The following DLGAP2 variants were observed in gnomAD, a reference collection of about 807,000 sequenced individuals.
The protein encoded by DLGAP2 is DLG associated protein 2.
DLGAP2 carries 26 observed loss-of-function variants against 100.3 expected under a neutral mutation model. The observed-to-expected ratio is 0.26, with a 90% confidence interval of 0.19 to 0.36. DLGAP2 has a LOEUF of 0.36. DLGAP2 is among the 10% of genes least tolerant of loss of function. The pLI, the probability that DLGAP2 is intolerant of heterozygous loss-of-function variation, is 1.00. For synonymous variants in DLGAP2, 886 were observed against 630.1 expected, an observed-to-expected ratio of 1.41 and a Z score of -6.08; for missense variants, 1,858 against 1,453.2, an observed-to-expected ratio of 1.28 and a Z score of -4.53.
At chr8:978,441 C>G (rs75781397) in intron 2 of DLGAP2, among the ~76,000 whole-genome samples, 20 of 26,844 alleles carry the variant, frequency 7.5e-4, no homozygotes, top group East Asian at 1.4e-3. Flanking sequence ...TGAGGTGCTG[C>G]GTTCTGGTCT....
intron 3 of DLGAP2, among the ~76,000 whole-genome samples, chr8:1,464,169 G>T (rs929838774): frequency 2.6e-5 from 4 of 152,132 alleles, no homozygotes; most frequent in Non-Finnish European, 5.9e-5. Context: ...TCCCTTCCAG[G>T]ACAGCACCCG....
chr8:1,362,941 CG>C (rs1319801561), intron 3 of DLGAP2, among the ~76,000 whole-genome samples: 1 of 152,112 alleles, frequency 6.6e-6, no homozygotes, highest in African/African-American at 2.4e-5. Context: ...TTCTTCACTT[CG>C]GGGCAGCACC....
At position 1,442,815 on chromosome 8, in the gene DLGAP2, C is replaced by T. The variant is rs112107651; in HGVS notation, c.107-58551C>T. On this transcript the variant is annotated intron_variant, in intron 3 of 14. Coordinates refer to ENST00000637795, the MANE Select transcript of DLGAP2 (RefSeq NM_001346810.2). Reference sequence around the variant, plus strand: ...CTGGGGGTTCAGCCACTGGGGGAGACGGATCCAGGCATAGACCCTCTAGGC... The same window carrying T: ...CTGGGGGTTCAGCCACTGGGGGAGATGGATCCAGGCATAGACCCTCTAGGC... Among the ~76,000 whole-genome samples the T allele has an allele frequency of 8.0e-3, 1,193 of 149,416 alleles. 17 individuals are homozygous for T. The highest frequency in any genetic ancestry group is 0.029 in the African/African-American group (1,123 of 38,962).
chr8:1,080,082 G>C (rs970511194), intron 2 of DLGAP2, among the ~76,000 whole-genome samples: 1 of 152,218 alleles, frequency 6.6e-6, no homozygotes, highest in Non-Finnish European at 1.5e-5. Flanking sequence ...GGCCTGGCAC[G>C]GGCCTGCTTC....
chr8:1,466,595 T>G (rs1403777602), intron 3 of DLGAP2, among the ~76,000 whole-genome samples: 1 of 152,094 alleles, frequency 6.6e-6, no homozygotes, highest in Non-Finnish European at 1.5e-5. Context: ...TTCAGTACTT[T>G]CCAGAACTCT....
intron 2 of DLGAP2, among the ~76,000 whole-genome samples, chr8:998,162 A>C (rs529012136): frequency 6.6e-4 from 100 of 152,364 alleles, no homozygotes; most frequent in African/African-American, 2.2e-3. Flanking sequence ...ACACATACAC[A>C]CATGTATACA....
chr8:1,112,834 T>G (rs570803434), intron 2 of DLGAP2, among the ~76,000 whole-genome samples: 5 of 152,344 alleles, frequency 3.3e-5, no homozygotes, highest in African/African-American at 1.2e-4. Context: ...TTTATAATTT[T>G]GGGTTTTACA....
At position 1,668,370 on chromosome 8, in the gene DLGAP2, C is replaced by A. The variant is rs779245245; in HGVS notation, c.1852C>A (p.Pro618Thr). 7 of 1,559,900 alleles carry A rather than the reference C, an allele frequency of 4.5e-6. No individual in the cohort carries two copies. In the South Asian group the frequency reaches 6.0e-5, roughly 13 times the overall value. The change falls in exon 9 of 15, where the codon CCC (proline) becomes ACC (threonine). Residue 618 changes from proline to threonine, a missense_variant. By Grantham distance (38) the Pro-to-Thr change is conservative. Transcript: ENST00000637795. ...TTACAAGAAAACGCCCCCACCGGTG[C>A]CCCCTCGGACCACCTCCAAGCCTCT... ...TNYKKTPPPV[P>T]PRTTSKPLIS...
At chr8:1,039,740 A>G (rs36127339) in intron 2 of DLGAP2, among the ~76,000 whole-genome samples, 5,271 of 87,806 alleles carry the variant, frequency 0.06, 796 homozygotes, top group Non-Finnish European at 0.074. Context: ...TTCTGTGGTC[A>G]GCTCGGTTTC....
intron 8 of DLGAP2, 21 bp downstream of exon 8, chr8:1,633,067 G>A (rs766015613): frequency 3.7e-6 from 6 of 1,613,540 alleles, no homozygotes; most frequent in Non-Finnish European, 5.1e-6. Context: ...GCCATTTTCA[G>A]CCTTCCAGCG....
At chr8:1,233,884 C>T (rs983858588) in intron 2 of DLGAP2, among the ~76,000 whole-genome samples, 5 of 152,138 alleles carry the variant, frequency 3.3e-5, no homozygotes, top group African/African-American at 9.7e-5. Flanking sequence ...TAGTGTCACA[C>T]GGATGTATAT....
At chr8:909,587 A>T (rs1288952422) in intron 2 of DLGAP2, among the ~76,000 whole-genome samples, 1 of 152,118 alleles carries the variant, frequency 6.6e-6, no homozygotes, top group Non-Finnish European at 1.5e-5. Flanking sequence ...GAACCAAGAG[A>T]GCTGCCTTCC....
chr8:1,251,749 G>A (rs989169369), intron 2 of DLGAP2, among the ~76,000 whole-genome samples: 12 of 152,184 alleles, frequency 7.9e-5, no homozygotes, highest in Admixed American at 2.6e-4. Context: ...AGTCATTGTC[G>A]TACAGTCACG....
intron 2 of DLGAP2, among the ~76,000 whole-genome samples, chr8:1,187,234 C>A (rs1311952043): frequency 6.6e-6 from 1 of 152,122 alleles, no homozygotes; most frequent in African/African-American, 2.4e-5. Context: ...ACCTCCGTGA[C>A]GTTTGCCTCA....
At chr8:1,044,681 C>G (rs1249400502) in intron 2 of DLGAP2, among the ~76,000 whole-genome samples, 1 of 152,200 alleles carries the variant, frequency 6.6e-6, no homozygotes, top group Non-Finnish European at 1.5e-5. Flanking sequence ...CACTAAAAGA[C>G]TAGAAGCTAT....
At chr8:1,466,755 C>T (rs1239661813) in intron 3 of DLGAP2, among the ~76,000 whole-genome samples, 2 of 152,046 alleles carry the variant, frequency 1.3e-5, no homozygotes, top group South Asian at 2.1e-4. Flanking sequence ...ATCACCATTG[C>T]GTGGATAGTG....
At chr8:1,491,916 C>A (rs1799401724) in intron 3 of DLGAP2, among the ~76,000 whole-genome samples, 1 of 152,196 alleles carries the variant, frequency 6.6e-6, no homozygotes, top group Admixed American at 6.5e-5. Flanking sequence ...GCTGGTAAGG[C>A]CTGCGGAGCT....
At chr8:1,255,826 A>G (rs879283136) in intron 2 of DLGAP2, among the ~76,000 whole-genome samples, 1,454 of 25,656 alleles carry the variant, frequency 0.057, 5 homozygotes, top group African/African-American at 0.16. Flanking sequence ...TCTCCTGCCC[A>G]GGTGCTGTGT....
chr8:1,350,129 C>A (rs1195957233), intron 3 of DLGAP2, among the ~76,000 whole-genome samples: 1 of 152,094 alleles, frequency 6.6e-6, no homozygotes, highest in African/African-American at 2.4e-5. Flanking sequence ...TATTAAACTG[C>A]AGGAAGAAAT....
Sources: allele counts gnomAD v4.1 joint callset (sites outside exome capture counted in the v4.1 genomes callset), GRCh38; gene constraint gnomAD v4.1.1; transcripts MANE v1.5; gene names NCBI Gene and HGNC (gene_info 2026-07-23, HGNC 2026-07-21).